The following PTGER3 variants were observed in gnomAD, a reference collection of about 807,000 sequenced individuals.
The protein encoded by PTGER3 is prostaglandin E2 receptor EP3 subtype.
A neutral mutation model predicts 34.7 loss-of-function variants in PTGER3; 22 were observed. The observed-to-expected ratio is 0.63, with a 90% CI of 0.45 to 0.91. The LOEUF is 0.91. PTGER3 is among the 40% of genes least tolerant of loss of function. The pLI, the probability that PTGER3 is intolerant of heterozygous loss-of-function variation, is 0.00. For missense variants in PTGER3, 468 were observed against 519.4 expected (o/e 0.90, Z 0.96); for synonymous variants, 241 against 230.1 (o/e 1.05, Z -0.43).
intron 4 of PTGER3, among the ~76,000 whole-genome samples, chr1:70,928,365 G>A (rs557791722): frequency 1.1e-4 from 17 of 151,774 alleles, no homozygotes; most frequent in Middle Eastern, 6.8e-3. Context: ...TGGGCAAAGT[G>A]GCTCATGCTT....
rs1645943012 is a variant in PTGER3, at chr1:70,862,235, A to C, written c.*24-9376T>G. On this transcript the variant is annotated intron_variant, in intron 4 of 4. Coordinates refer to the PTGER3 transcript ENST00000370931. ...GAAATGAGATACATAAAACAAATGGAGATTTAAACATACTAAGTAAAAAAA... is the reference window on the plus strand; with the variant it reads ...GAAATGAGATACATAAAACAAATGGCGATTTAAACATACTAAGTAAAAAAA... 3.7e-6 allele frequency: 3 copies of C among 806,246 alleles called. No homozygotes were observed. The South Asian group carries it at 6.4e-5, about 17-fold the overall frequency. 49.9% of individuals were successfully genotyped at this position (806,246 alleles called of 1,614,324 possible). A position where few individuals can be genotyped will look rare whatever the true frequency, so the allele number is the denominator to read the frequency against.
intron 4 of PTGER3, among the ~76,000 whole-genome samples, chr1:70,907,632 ATGGTACTTT>A (rs1646976035): frequency 6.6e-6 from 1 of 152,226 alleles, no homozygotes; most frequent in Non-Finnish European, 1.5e-5. Context: ...CATGAAATGA[ATGGTACTTT>A]TGCGATCAGG....
intron 4 of PTGER3, among the ~76,000 whole-genome samples, chr1:70,939,250 G>C (rs1193171187): frequency 2.3e-4 from 35 of 152,206 alleles, no homozygotes; most frequent in Non-Finnish European, 3.5e-4. Flanking sequence ...TGACGCAAGA[G>C]GTAAGTTCCC....
chr1:71,036,492 G>A (rs541349753), intron 1 of PTGER3, among the ~76,000 whole-genome samples: 2 of 152,052 alleles, frequency 1.3e-5, no homozygotes, highest in Admixed American at 6.6e-5. Flanking sequence ...ACTATAGCCT[G>A]GGTGACAGAG....
intron 2 of PTGER3, chr1:71,010,436 T>C (rs951291462): frequency 1.0e-6 from 1 of 984,318 alleles, no homozygotes; most frequent in Admixed American, 6.2e-5. Flanking sequence ...TGAATAAATA[T>C]GTATTAGACA....
At chr1:70,868,453 A>G (rs1646092560) in intron 4 of PTGER3, among the ~76,000 whole-genome samples, 1 of 152,170 alleles carries the variant, frequency 6.6e-6, no homozygotes, top group Non-Finnish European at 1.5e-5. Flanking sequence ...ATTATTTACA[A>G]GCTCACACTG....
intron 1 of PTGER3, among the ~76,000 whole-genome samples, chr1:71,039,761 T>A (rs763247465): frequency 6.6e-6 from 1 of 151,918 alleles, no homozygotes. Flanking sequence ...TTTTCCCCAA[T>A]GAACTATAAC....
At chr1:70,879,039 T>C (rs1490035102) in intron 4 of PTGER3, among the ~76,000 whole-genome samples, 1 of 152,200 alleles carries the variant, frequency 6.6e-6, no homozygotes, top group East Asian at 1.9e-4. Context: ...TATTTTTGCC[T>C]CAATGATATG....
rs368986881 is a variant in PTGER3 at position 71,047,462 on chromosome 1, C to A, written c.116G>T (p.Arg39Leu). Residue 39 changes from arginine (R) to leucine (L), a missense_variant, in exon 1 of 4, where the codon CGC becomes CTC. Physicochemically the swap from Arg to Leu is moderately radical, Grantham distance 102. This residue lies in a region of PTGER3 where 151 missense variants were observed against 133.5 expected (regional missense o/e 1.13). Coordinates refer to ENST00000306666, the MANE Select transcript of PTGER3 (RefSeq NM_198719.2). ...RSAEARGNLT[R>L]PPGSGEDCGS... ...GCAATCCTCGCCAGACCCTGGAGGGCGCGTGAGGTTGCCCCGCGCCTCGGC... is the reference window on the plus strand; with the variant it reads ...GCAATCCTCGCCAGACCCTGGAGGGAGCGTGAGGTTGCCCCGCGCCTCGGC... The A allele has an allele frequency of 6.2e-7, 1 of 1,609,966 alleles. No individual in the cohort carries two copies. Among genetic ancestry groups the A allele is most frequent in the Non-Finnish European group, 8.5e-7 (1 of 1,179,104 alleles).
At chr1:70,861,873 T>A (rs1645935461) in intron 4 of PTGER3, among the ~76,000 whole-genome samples, 1 of 152,106 alleles carries the variant, frequency 6.6e-6, no homozygotes, top group Admixed American at 6.6e-5. Flanking sequence ...GCTGTTAAAG[T>A]TTATGTAAGA....
intron 3 of PTGER3, among the ~76,000 whole-genome samples, chr1:70,973,209 T>A (rs1428499065): frequency 7.7e-6 from 1 of 130,070 alleles, no homozygotes; most frequent in East Asian, 2.4e-4. Context: ...AGATGATAGA[T>A]AGATAGATAG....
At chr1:70,921,044 A>G (rs946378029) in intron 4 of PTGER3, among the ~76,000 whole-genome samples, 1 of 152,206 alleles carries the variant, frequency 6.6e-6, no homozygotes, top group Non-Finnish European at 1.5e-5. Flanking sequence ...TTGTTCACAC[A>G]TATCATCATT....
At chr1:70,993,107 T>C (rs931290254) in intron 2 of PTGER3, among the ~76,000 whole-genome samples, 1 of 152,192 alleles carries the variant, frequency 6.6e-6, no homozygotes, top group African/African-American at 2.4e-5. Flanking sequence ...TATACTTACT[T>C]TCTTCCCACT....
chr1:71,028,341 G>A (rs1372147727), intron 1 of PTGER3, among the ~76,000 whole-genome samples: 2 of 152,206 alleles, frequency 1.3e-5, no homozygotes, highest in African/African-American at 4.8e-5. Flanking sequence ...GCCGTAGGAT[G>A]AAGCCAAGAC....
At position 70,971,512 on chromosome 1, in the gene PTGER3, A is replaced by T. The variant is rs1287193610; in HGVS notation, c.*218T>A. ...CCCAACTTCTTAAATGCATATTCAA[A>T]ATCCCATCCAAGAAACCAATCTAAT... On this transcript the variant is annotated 3_prime_UTR_variant, in exon 4 of 4. Transcript: ENST00000306666. 1 of 1,212,178 alleles carries T rather than the reference A, an allele frequency of 8.2e-7. No individual in the cohort carries two copies. Among genetic ancestry groups the T allele is most frequent in the East Asian group, 3.5e-5 (1 of 28,796 alleles). The allele number at this position is 1,212,178 out of a possible 1,614,324, so 75.1% of individuals were successfully genotyped here. A position where few individuals can be genotyped will look rare whatever the true frequency, so the allele number is the denominator to read the frequency against.
chr1:70,986,280 T>A (rs1293247033), intron 2 of PTGER3, among the ~76,000 whole-genome samples: 1 of 152,144 alleles, frequency 6.6e-6, no homozygotes, highest in Non-Finnish European at 1.5e-5. Context: ...GGATTAGCCA[T>A]TTTTTATTCC....
rs749354811 is a variant in PTGER3 at position 71,047,463 on chromosome 1, G to T, written c.115C>A (p.Arg39Ser). 6.2e-7 allele frequency: 1 copy of T among 1,609,674 alleles called. No individual in the cohort carries two copies. The highest frequency in any genetic ancestry group is 8.5e-7 in the Non-Finnish European group (1 of 1,178,988). The part of the protein sequence containing the change: ...RSAEARGNLT[R>S]PPGSGEDCGS... ...CAATCCTCGCCAGACCCTGGAGGGC[G>T]CGTGAGGTTGCCCCGCGCCTCGGCG... Residue 39 changes from arginine (R) to serine (S), a missense_variant, in exon 1 of 4, where the codon CGC (arginine) becomes AGC (serine). Physicochemically the swap from Arg to Ser is moderately radical, Grantham distance 110 (BLOSUM62 -1). This residue lies in a region of PTGER3 where 151 missense variants were observed against 133.5 expected (regional missense o/e 1.13). Transcript: ENST00000306666.
At chr1:70,876,668 C>T (rs937588299) in intron 4 of PTGER3, among the ~76,000 whole-genome samples, 3 of 152,024 alleles carry the variant, frequency 2.0e-5, no homozygotes, top group Admixed American at 6.6e-5. Context: ...CAATCATCTG[C>T]GTATGGCCAG....
rs1320643101 is a variant in PTGER3 at position 71,047,517 on chromosome 1, A to G, written c.61T>C (p.Tyr21His). Residue 21 changes from tyrosine (Y) to histidine (H), a missense_variant, in exon 1 of 4, where the codon TAC (tyrosine) becomes CAC (histidine). Around this residue, in one of 5 missense-constraint regions of PTGER3, gnomAD observed 151 missense variants for 133.5 expected, o/e 1.13. Transcript: ENST00000306666. ...CGCTCGGGCGCCCACATGCCTGTGT[A>G]GGAGTGGTTGAGGCGGGTGCAGAAG... ...APFCTRLNHSYTGMWAPERSA... is the reference protein window; with the variant it reads ...APFCTRLNHSHTGMWAPERSA... 6.2e-7 allele frequency: 1 copy of G among 1,600,156 alleles called. No individual in the cohort carries two copies. The highest frequency in any genetic ancestry group is 8.5e-7 in the Non-Finnish European group (1 of 1,174,456).
Sources: gnomAD v4.1 joint callset for allele counts (sites outside exome capture counted in the v4.1 genomes callset) on GRCh38, gnomAD v4.1.1 for gene constraint, gnomAD v4.1.1 regional missense constraint, MANE v1.5 for transcripts, NCBI Gene and HGNC (gene_info 2026-07-23, HGNC 2026-07-21) for gene names.